GNAL: variants seen among roughly 807,000 people sequenced by gnomAD.
GNAL encodes the protein G protein subunit alpha L, also known as guanine nucleotide-binding protein G(olf) subunit alpha.
Under a neutral mutation model 55.1 loss-of-function variants are expected in GNAL, and 18 were observed. The observed-to-expected ratio is 0.33, with a 90% CI of 0.23 to 0.48. GNAL has a LOEUF of 0.48. Among genes scored for constraint, GNAL ranks in the 20% least tolerant of loss-of-function variants. The pLI is 0.99. For missense variants in GNAL, 412 were observed against 614.1 expected (o/e 0.67, Z 3.48); for synonymous variants, 253 against 237.0 (o/e 1.07, Z -0.62).
At chr18:11,740,125 C>T (rs1183181214) in intron 1 of GNAL, among the ~76,000 whole-genome samples, 1 of 151,926 alleles carries the variant, frequency 6.6e-6, no homozygotes, top group Non-Finnish European at 1.5e-5. Context: ...GGCAGGGACA[C>T]CTGACAGGCC....
At chr18:11,825,302 G>A (rs2035211898) in intron 5 of GNAL, among the ~76,000 whole-genome samples, 1 of 152,190 alleles carries the variant, frequency 6.6e-6, no homozygotes, top group South Asian at 2.1e-4. Context: ...ATATTGGTAA[G>A]TTAAAGTGAA....
chr18:11,818,851 C>T (rs778523761), intron 4 of GNAL, among the ~76,000 whole-genome samples: 2 of 152,152 alleles, frequency 1.3e-5, no homozygotes, highest in African/African-American at 2.4e-5. Context: ...AGAGTATTCC[C>T]GACACTAAAA....
chr18:11,740,932 AG>A (rs2032562597), intron 1 of GNAL, among the ~76,000 whole-genome samples: 1 of 152,252 alleles, frequency 6.6e-6, no homozygotes, highest in Non-Finnish European at 1.5e-5. Context: ...AGCTTCTCTG[AG>A]AAAGGCTCAT....
intron 1 of GNAL, among the ~76,000 whole-genome samples, chr18:11,733,198 C>T (rs544076262): frequency 5.3e-5 from 8 of 152,362 alleles, no homozygotes; most frequent in Non-Finnish European, 1.0e-4. Context: ...CCAAGCTGCG[C>T]CCGGGCGCGG....
At chr18:11,758,835 T>C (rs1468201426) in intron 4 of GNAL, among the ~76,000 whole-genome samples, 1 of 152,216 alleles carries the variant, frequency 6.6e-6, no homozygotes, top group Non-Finnish European at 1.5e-5. Context: ...ATAAATAGTC[T>C]TAAGTGATTA....
At chr18:11,861,955 C>T (rs1000705284) in intron 5 of GNAL, among the ~76,000 whole-genome samples, 5 of 108,540 alleles carry the variant, frequency 4.6e-5, no homozygotes, top group African/African-American at 1.6e-4. Context: ...CACATATTCA[C>T]GCAGTCATAC....
intron 1 of GNAL, among the ~76,000 whole-genome samples, chr18:11,699,567 G>A (rs528706811): frequency 1.3e-5 from 2 of 149,630 alleles, no homozygotes; most frequent in East Asian, 3.9e-4. Flanking sequence ...GAGGGGGGGG[G>A]TTGGCTTTAA....
chr18:11,704,255 A>T (rs1300823726), intron 1 of GNAL, among the ~76,000 whole-genome samples: 1 of 152,214 alleles, frequency 6.6e-6, no homozygotes, highest in Non-Finnish European at 1.5e-5. Flanking sequence ...TGGATCCCAC[A>T]TATGGATTAT....
intron 1 of GNAL, among the ~76,000 whole-genome samples, chr18:11,744,390 C>A (rs565089458): frequency 6.6e-6 from 1 of 152,114 alleles, no homozygotes; most frequent in African/African-American, 2.4e-5. Context: ...CCCTGCTTTT[C>A]TCTAAAAATC....
intron 4 of GNAL, among the ~76,000 whole-genome samples, chr18:11,769,724 CA>C (rs767350031): frequency 8.0e-4 from 122 of 152,214 alleles, no homozygotes; most frequent in Middle Eastern, 3.4e-3. Context: ...AAAAGATAAA[CA>C]AATGTTGGTT....
Position 11,885,628 on chromosome 18 carries a change from T to G in GNAL, c.*4493T>G. 6.3e-7 allele frequency: 1 copy of G among 1,588,402 alleles called. No homozygotes were observed. Among genetic ancestry groups the G allele is most frequent in the African/African-American group, 1.3e-5 (1 of 74,248 alleles). On this transcript the variant is annotated 3_prime_UTR_variant, in exon 12 of 12. Coordinates refer to ENST00000334049, the MANE Select transcript of GNAL (RefSeq NM_182978.4). ...ATTAAATAGTTGATTACTGTGTTGA[T>G]TTAAATACTTATGAAAGCTTTCAGA...
chr18:11,739,550 C>G (rs2032531174), intron 1 of GNAL, among the ~76,000 whole-genome samples: 1 of 152,178 alleles, frequency 6.6e-6, no homozygotes, highest in Non-Finnish European at 1.5e-5. Context: ...TATGTGTTCT[C>G]CAGCATTTTC....
At chr18:11,716,891 G>C (rs914872071) in intron 1 of GNAL, among the ~76,000 whole-genome samples, 1 of 152,248 alleles carries the variant, frequency 6.6e-6, no homozygotes, top group Non-Finnish European at 1.5e-5. Flanking sequence ...TCACCCAGTG[G>C]ATCCCGCACG....
Position 11,693,848 on chromosome 18 carries a change from C to T in GNAL, c.376+3909C>T, listed in dbSNP as rs922435443. Among the ~76,000 whole-genome samples, 18 of 133,354 alleles carry T rather than the reference C, an allele frequency of 1.3e-4. No homozygotes were observed. The East Asian group carries it at 2.4e-3, about 18-fold the overall frequency. 87.5% of individuals were successfully genotyped at this position (133,354 alleles called of 152,430 possible). A position where few individuals can be genotyped will look rare whatever the true frequency, so the allele number is the denominator to read the frequency against. ...CCTGGGCAACATAGTAAGACTATGT[C>T]GCTATTTTTTTTTTTTTTTTTTTAG... On this transcript the variant is annotated intron_variant, in intron 1 of 11. Coordinates refer to ENST00000334049, the MANE Select transcript of GNAL (RefSeq NM_182978.4).
At chr18:11,717,795 G>C (rs1359160699) in intron 1 of GNAL, among the ~76,000 whole-genome samples, 1 of 152,196 alleles carries the variant, frequency 6.6e-6, no homozygotes, top group Non-Finnish European at 1.5e-5. Flanking sequence ...CCTTTCAGAG[G>C]GTGGAGGTTG....
intron 10 of GNAL, among the ~76,000 whole-genome samples, chr18:11,873,040 G>A (rs1205975247): frequency 1.3e-5 from 2 of 152,216 alleles, no homozygotes; most frequent in Non-Finnish European, 2.9e-5. Flanking sequence ...CTAAAGCTGG[G>A]AAGGTAGACC....
intron 5 of GNAL, chr18:11,857,620 G>A (rs1037527096): frequency 5.1e-6 from 5 of 985,320 alleles, no homozygotes; most frequent in Middle Eastern, 1.0e-3. Flanking sequence ...CTTGGATGAC[G>A]AGTCACCATG....
intron 10 of GNAL, among the ~76,000 whole-genome samples, chr18:11,872,807 C>T (rs1376980125): frequency 6.6e-6 from 1 of 152,204 alleles, no homozygotes; most frequent in Non-Finnish European, 1.5e-5. Flanking sequence ...GAAAGAGAGT[C>T]TGAGAGAGGA....
intron 4 of GNAL, among the ~76,000 whole-genome samples, chr18:11,769,703 A>G (rs942173922): frequency 2.0e-5 from 3 of 152,226 alleles, no homozygotes; most frequent in South Asian, 2.1e-4. Flanking sequence ...GAAGCACGTA[A>G]GTTTATGGCA....
Sources: gnomAD v4.1 joint callset for allele counts (sites outside exome capture counted in the v4.1 genomes callset) on GRCh38, gnomAD v4.1.1 for gene constraint, MANE v1.5 for transcripts, NCBI Gene and HGNC (gene_info 2026-07-23, HGNC 2026-07-21) for gene names.